Variants in FSTL5 observed in about 807,000 individuals in gnomAD.
The protein encoded by FSTL5 is follistatin-related protein 5.
In FSTL5, 62 loss-of-function variants were observed where a neutral mutation model predicts 89.1. The ratio of observed to expected loss-of-function variants is 0.70; its 90% CI spans 0.57 to 0.86. The LOEUF is 0.86. Among genes scored for constraint, FSTL5 ranks in the 40% least tolerant of loss-of-function variants. The pLI, the probability that FSTL5 is intolerant of heterozygous loss-of-function variation, is 0.00. For synonymous variants in FSTL5, 383 were observed against 346.2 expected (o/e 1.11, Z -1.18); for missense variants, 1,057 against 1,001.6 (o/e 1.06, Z -0.75).
intron 2 of FSTL5, among the ~76,000 whole-genome samples, chr4:162,080,971 C>A (rs970078945): frequency 2.0e-5 from 3 of 151,544 alleles, no homozygotes; most frequent in African/African-American, 7.3e-5. Context: ...TTATTCTATG[C>A]AAATTATTCT....
intron 6 of FSTL5, among the ~76,000 whole-genome samples, chr4:161,676,719 C>T (rs1183957881): frequency 4.6e-5 from 7 of 151,022 alleles, no homozygotes; most frequent in Middle Eastern, 3.4e-3. Flanking sequence ...TACAATTATT[C>T]GCTTCACTAT....
intron 6 of FSTL5, among the ~76,000 whole-genome samples, chr4:161,729,630 G>T (rs987364301): frequency 6.6e-6 from 1 of 152,122 alleles, no homozygotes; most frequent in East Asian, 1.9e-4. Flanking sequence ...AAGCAAAAAC[G>T]ATACTGAATT....
intron 6 of FSTL5, among the ~76,000 whole-genome samples, chr4:161,737,954 C>T (rs74852516): frequency 5.9e-5 from 9 of 151,754 alleles, no homozygotes; most frequent in Admixed American, 2.6e-4. Flanking sequence ...AGTGATTTTC[C>T]GAGTTTTAGG....
rs73862341 is a variant in FSTL5 at position 161,611,435 on chromosome 4, G to A, written c.895-23860C>T. ...CAAATATTAATTTATAACCTTCTACGTACACTCTTATAGTAAAGCCTTATC... is the reference window on the plus strand; with the variant it reads ...CAAATATTAATTTATAACCTTCTACATACACTCTTATAGTAAAGCCTTATC... On this transcript the variant is annotated intron_variant, in intron 7 of 15. Coordinates refer to ENST00000306100, the MANE Select transcript of FSTL5 (RefSeq NM_020116.5). Among the ~76,000 whole-genome samples, 1,028 of 151,338 alleles carry A rather than the reference G, an allele frequency of 6.8e-3. 11 individuals are homozygous for A. Among genetic ancestry groups the A allele is most frequent in the African/African-American group, 0.023 (957 of 41,244 alleles).
At chr4:162,020,349 T>C (rs1737037063) in intron 3 of FSTL5, among the ~76,000 whole-genome samples, 1 of 152,068 alleles carries the variant, frequency 6.6e-6, no homozygotes, top group African/African-American at 2.4e-5. Context: ...ATAATTAGGT[T>C]TAATGCTACA....
chr4:161,805,339 AT>A (rs1210422116), intron 4 of FSTL5, among the ~76,000 whole-genome samples: 5 of 152,168 alleles, frequency 3.3e-5, no homozygotes, highest in African/African-American at 4.8e-5. Flanking sequence ...TGCTGAGAAA[AT>A]TATTCCAAGA....
intron 6 of FSTL5, among the ~76,000 whole-genome samples, chr4:161,683,105 A>G (rs955543270): frequency 6.6e-6 from 1 of 152,156 alleles, no homozygotes; most frequent in African/African-American, 2.4e-5. Flanking sequence ...AAAGTATAGT[A>G]AATACACAAA....
intron 4 of FSTL5, among the ~76,000 whole-genome samples, chr4:161,911,505 G>C (rs1733692050): frequency 6.6e-6 from 1 of 151,962 alleles, no homozygotes; most frequent in African/African-American, 2.4e-5. Flanking sequence ...CAGATTTCAG[G>C]GGGTCTTTTG....
intron 7 of FSTL5, among the ~76,000 whole-genome samples, chr4:161,590,970 C>T (rs1384431800): frequency 2.0e-5 from 3 of 152,028 alleles, no homozygotes; most frequent in African/African-American, 7.2e-5. Context: ...CAAATGTATG[C>T]AAATGTGCAT....
At chr4:161,968,156 A>G (rs2111004497) in intron 3 of FSTL5, among the ~76,000 whole-genome samples, 1 of 152,166 alleles carries the variant, frequency 6.6e-6, no homozygotes, top group East Asian at 1.9e-4. Flanking sequence ...GCCACACATC[A>G]ATTTCCTCAT....
chr4:161,898,875 CG>C (rs1733259758), intron 4 of FSTL5, among the ~76,000 whole-genome samples: 1 of 152,004 alleles, frequency 6.6e-6, no homozygotes, highest in South Asian at 2.1e-4. Context: ...ATGATCCGCC[CG>C]CCTCAGCATC....
intron 9 of FSTL5, among the ~76,000 whole-genome samples, chr4:161,539,264 T>G (rs1357029671): frequency 6.6e-6 from 1 of 151,682 alleles, no homozygotes; most frequent in East Asian, 1.9e-4. Context: ...ACACAAGCAG[T>G]AGAACGGGAA....
intron 4 of FSTL5, among the ~76,000 whole-genome samples, chr4:161,801,389 C>A (rs1432631304): frequency 6.6e-6 from 1 of 151,462 alleles, no homozygotes; most frequent in Non-Finnish European, 1.5e-5. Flanking sequence ...TGGAGCCTGA[C>A]AAAGTCGTTC....
chr4:161,796,367 G>A (rs1195827955), intron 4 of FSTL5, among the ~76,000 whole-genome samples: 1 of 151,364 alleles, frequency 6.6e-6, no homozygotes, highest in Non-Finnish European at 1.5e-5. Flanking sequence ...CTCAGTGGTT[G>A]ACTACAGTTT....
At chr4:161,787,723 C>A (rs1741954562) in intron 4 of FSTL5, among the ~76,000 whole-genome samples, 1 of 152,058 alleles carries the variant, frequency 6.6e-6, no homozygotes, top group Non-Finnish European at 1.5e-5. Context: ...TCTGTGTGTG[C>A]ATACATACAT....
chr4:161,392,946 T>C (rs1043921349), intron 15 of FSTL5, among the ~76,000 whole-genome samples: 1 of 152,118 alleles, frequency 6.6e-6, no homozygotes, highest in African/African-American at 2.4e-5. Flanking sequence ...GATGGATCAC[T>C]TGAGGCCAGG....
At chr4:161,590,539 A>G (rs1560968622) in intron 7 of FSTL5, among the ~76,000 whole-genome samples, 2 of 152,168 alleles carry the variant, frequency 1.3e-5, no homozygotes, top group Non-Finnish European at 2.9e-5. Context: ...ACTCCATCTC[A>G]AAACAAAACA....
chr4:162,128,762 A>T (rs887848523), intron 1 of FSTL5, among the ~76,000 whole-genome samples: 6 of 152,170 alleles, frequency 3.9e-5, no homozygotes, highest in African/African-American at 1.4e-4. Context: ...TATGTATTTC[A>T]TTATTTAGTA....
intron 3 of FSTL5, among the ~76,000 whole-genome samples, chr4:161,949,580 T>C (rs774328386): frequency 6.6e-6 from 1 of 152,010 alleles, no homozygotes; most frequent in Non-Finnish European, 1.5e-5. Flanking sequence ...CTTTCTTTCC[T>C]CCTTTTTGAA....
Sources: allele counts gnomAD v4.1 joint callset (sites outside exome capture counted in the v4.1 genomes callset), GRCh38; gene constraint gnomAD v4.1.1; transcripts MANE v1.5; gene names NCBI Gene and HGNC (gene_info 2026-07-23, HGNC 2026-07-21).